The following KIAA0232 variants were observed in gnomAD, a reference collection of about 807,000 sequenced individuals.
KIAA0232 encodes the protein KIAA0232, also known as uncharacterized protein KIAA0232.
Under a neutral mutation model 122.0 loss-of-function variants are expected in KIAA0232, and 27 were observed. The ratio of observed to expected loss-of-function variants is 0.22; its 90% CI spans 0.16 to 0.31. The LOEUF is 0.31. KIAA0232 is among the 10% of genes least tolerant of loss of function. The pLI, the probability that KIAA0232 is intolerant of heterozygous loss-of-function variation, is 1.00. For synonymous variants in KIAA0232, 613 were observed against 587.6 expected (o/e 1.04, Z -0.63); for missense variants, 1,551 against 1,634.2 (o/e 0.95, Z 0.88).
chr4:6,800,818 G>A (rs1717355396), intron 1 of KIAA0232, among the ~76,000 whole-genome samples: 1 of 152,200 alleles, frequency 6.6e-6, no homozygotes. Context: ...AAAATGCAGA[G>A]CCAGGTTGGC....
intron 3 of KIAA0232, among the ~76,000 whole-genome samples, chr4:6,830,077 A>G (rs73199907): frequency 0.012 from 1,819 of 152,354 alleles, 20 homozygotes; most frequent in Non-Finnish European, 0.017. Context: ...ACCCAGCTCA[A>G]TCTGGCTTAA....
intron 9 of KIAA0232, among the ~76,000 whole-genome samples, chr4:6,879,264 G>C (rs765298427): frequency 6.6e-6 from 1 of 152,178 alleles, no homozygotes; most frequent in South Asian, 2.1e-4. Context: ...GGTAGGTACT[G>C]TTGTCATGCC....
At chr4:6,792,277 A>T (rs1716930148) in intron 1 of KIAA0232, among the ~76,000 whole-genome samples, 1 of 152,204 alleles carries the variant, frequency 6.6e-6, no homozygotes, top group African/African-American at 2.4e-5. Context: ...ACTAGTTGAT[A>T]TGAAGAGTTT....
chr4:6,807,128 G>A (rs1478162526), intron 2 of KIAA0232, among the ~76,000 whole-genome samples: 1 of 151,846 alleles, frequency 6.6e-6, no homozygotes, highest in Non-Finnish European at 1.5e-5. Context: ...CTGTACGCCT[G>A]GGCTCAAGTG....
intron 1 of KIAA0232, among the ~76,000 whole-genome samples, chr4:6,797,748 T>A (rs1577356205): frequency 1.9e-5 from 2 of 107,582 alleles, no homozygotes; most frequent in South Asian, 2.7e-4. Flanking sequence ...CTAGCCTGGG[T>A]GACAGAGCCA....
At chr4:6,865,278 ATAGTT>A (rs1282894715) in intron 7 of KIAA0232, among the ~76,000 whole-genome samples, 8 of 152,056 alleles carry the variant, frequency 5.3e-5, no homozygotes, top group Non-Finnish European at 1.2e-4. Flanking sequence ...TTCTCCAGAA[ATAGTT>A]TATTTAATTT....
chr4:6,823,233 A>G (rs544324203), intron 2 of KIAA0232, among the ~76,000 whole-genome samples: 4 of 152,004 alleles, frequency 2.6e-5, no homozygotes, highest in Non-Finnish European at 5.9e-5. Context: ...ATGCCGCAGT[A>G]AACATACGTG....
rs952838377 is a variant in KIAA0232, at chr4:6,862,221, A to C, written c.1839A>C (p.Arg613Ser). ...GESFGGDSPV[R>S]LSPILDSTVL... ...GTTTTGGAGGAGACTCTCCAGTTAGACTCTCTCCCATCTTAGACAGCACAG... is the reference window on the plus strand; with the variant it reads ...GTTTTGGAGGAGACTCTCCAGTTAGCCTCTCTCCCATCTTAGACAGCACAG... Residue 613 changes from arginine to serine, a missense_variant, in exon 7 of 10, where the codon AGA becomes AGC. Physicochemically the swap from Arg to Ser is moderately radical, Grantham distance 110. Coordinates refer to ENST00000307659, the MANE Select transcript of KIAA0232 (RefSeq NM_014743.3). 1.9e-6 allele frequency: 3 copies of C among 1,613,406 alleles called. No homozygotes were observed. The African/African-American group carries it at 4.0e-5, about 22-fold the overall frequency.
intron 2 of KIAA0232, among the ~76,000 whole-genome samples, chr4:6,808,757 T>C (rs190314801): frequency 2.0e-5 from 3 of 152,130 alleles, no homozygotes; most frequent in African/African-American, 7.2e-5. Context: ...CTGCTAGTAT[T>C]ATGAATATCA....
intron 2 of KIAA0232, 110 bp from the exon 3 acceptor site, chr4:6,824,075 A>T (rs1399779156): frequency 2.5e-6 from 1 of 398,906 alleles, no homozygotes; most frequent in Admixed American, 4.0e-5. Context: ...CTAAGATACC[A>T]AAAATATTTT....
At chr4:6,849,178 G>A (rs1720136291) in intron 4 of KIAA0232, among the ~76,000 whole-genome samples, 1 of 152,230 alleles carries the variant, frequency 6.6e-6, no homozygotes, top group Non-Finnish European at 1.5e-5. Flanking sequence ...AGCACCCAGT[G>A]AAGATGCAGT....
rs111842615 is a variant in KIAA0232, at chr4:6,854,831, T to C, written c.370-2333T>C. ...AATCTTTCTTTGTTTTTTAAGATACTATAGGCTCTCAAAATATTATTGAAT... is the reference window on the plus strand; with the variant it reads ...AATCTTTCTTTGTTTTTTAAGATACCATAGGCTCTCAAAATATTATTGAAT... On this transcript the variant is annotated intron_variant, in intron 4 of 9. Transcript: ENST00000307659. Among the ~76,000 whole-genome samples the C allele has an allele frequency of 4.4e-3, 671 of 152,350 alleles. 3 individuals carry two copies. Among genetic ancestry groups the C allele is most frequent in the African/African-American group, 0.015 (625 of 41,570 alleles).
intron 4 of KIAA0232, among the ~76,000 whole-genome samples, chr4:6,856,334 TAA>T (rs887578979): frequency 6.6e-6 from 1 of 152,224 alleles, no homozygotes; most frequent in South Asian, 2.1e-4. Context: ...TGAATAAATC[TAA>T]AGTTTCTGAG....
chr4:6,838,781 G>A (rs1201560843), intron 3 of KIAA0232, among the ~76,000 whole-genome samples: 1 of 140,936 alleles, frequency 7.1e-6, no homozygotes, highest in Non-Finnish European at 1.5e-5. Context: ...TTGTTATAAA[G>A]GTTGCTTGAA....
intron 7 of KIAA0232, among the ~76,000 whole-genome samples, chr4:6,865,985 T>C (rs1282173376): frequency 1.3e-5 from 2 of 152,212 alleles, no homozygotes; most frequent in African/African-American, 4.8e-5. Context: ...TGGGACTGCT[T>C]GCCTGTGATT....
chr4:6,869,181 C>T (rs1721339533), intron 7 of KIAA0232, among the ~76,000 whole-genome samples: 1 of 152,182 alleles, frequency 6.6e-6, no homozygotes, highest in South Asian at 2.1e-4. Context: ...CCTGCTTTCC[C>T]TGACCTGTCC....
intron 7 of KIAA0232, among the ~76,000 whole-genome samples, chr4:6,864,477 G>A (rs779535915): frequency 1.3e-5 from 2 of 152,010 alleles, no homozygotes; most frequent in Non-Finnish European, 2.9e-5. Flanking sequence ...AGTGGCTCAC[G>A]CCTGTAATCC....
At chr4:6,816,235 C>A (rs1413821760) in intron 2 of KIAA0232, among the ~76,000 whole-genome samples, 1 of 151,132 alleles carries the variant, frequency 6.6e-6, no homozygotes, top group Non-Finnish European at 1.5e-5. Context: ...ATTTTTGCAT[C>A]TGTACTCATG....
chr4:6,820,359 T>A (rs1718364579), intron 2 of KIAA0232, among the ~76,000 whole-genome samples: 2 of 152,188 alleles, frequency 1.3e-5, no homozygotes, highest in African/African-American at 4.8e-5. Flanking sequence ...AGATTGACAT[T>A]TAGGAATATA....
Sources: gnomAD v4.1 joint callset for allele counts (sites outside exome capture counted in the v4.1 genomes callset) on GRCh38, gnomAD v4.1.1 for gene constraint, MANE v1.5 for transcripts, NCBI Gene and HGNC (gene_info 2026-07-23, HGNC 2026-07-21) for gene names.